NEK10: variants seen among roughly 807,000 people sequenced by gnomAD.
The protein encoded by NEK10 is serine/threonine-protein kinase Nek10.
A neutral mutation model predicts 159.8 loss-of-function variants in NEK10; 122 were observed. The observed-to-expected ratio is 0.76, with a 90% CI of 0.66 to 0.89. The LOEUF is 0.89. Ranked by LOEUF, NEK10 falls within the 40% of genes least tolerant of loss-of-function variation. The pLI, the probability that NEK10 is intolerant of heterozygous loss-of-function variation, is 0.00. For synonymous variants in NEK10, 466 were observed against 457.1 expected (o/e 1.02, Z -0.25); for missense variants, 1,342 against 1,323.1 (o/e 1.01, Z -0.22).
chr3:27,187,618 A>G (rs939772662), intron 26 of NEK10, among the ~76,000 whole-genome samples: 9 of 152,114 alleles, frequency 5.9e-5, no homozygotes, highest in African/African-American at 1.9e-4. Context: ...GAGGAGTGTA[A>G]TGGAAAACAC....
At chr3:27,184,436 G>C (rs1948426482) in intron 26 of NEK10, among the ~76,000 whole-genome samples, 1 of 152,158 alleles carries the variant, frequency 6.6e-6, no homozygotes, top group African/African-American at 2.4e-5. Flanking sequence ...AGAGGCTTAA[G>C]GGAACATTCT....
chr3:27,342,041 T>C (rs892738310), intron 5 of NEK10, among the ~76,000 whole-genome samples: 118 of 152,158 alleles, frequency 7.8e-4, no homozygotes, highest in African/African-American at 2.3e-3. Context: ...TCCTTTATTG[T>C]GTAATTGTCT....
chr3:27,215,884 T>G (rs1383678674), intron 23 of NEK10: 2 of 709,198 alleles, frequency 2.8e-6, no homozygotes, highest in South Asian at 1.5e-5. Context: ...CTGCACACTT[T>G]AAACAACCAG....
chr3:27,206,634 C>T lies in NEK10; in HGVS notation c.2091-4077G>A, dbSNP rs934042138. ...CCATTGAAACCATATGCTGGTAACT[C>T]GCAGACCTAATTTCCATTCTTCAAG... On this transcript the variant is annotated intron_variant, in intron 23 of 35. Coordinates refer to ENST00000691995, the MANE Select transcript of NEK10 (RefSeq NM_001394966.1). The T allele has an allele frequency of 1.7e-5, 17 of 985,174 alleles. No individual in the cohort carries two copies. The South Asian group carries it at 1.9e-4, about 11-fold the overall frequency. The allele number at this position is 985,174 out of a possible 1,614,324, so 61.0% of individuals were successfully genotyped here.
intron 23 of NEK10, chr3:27,214,802 C>T: frequency 2.0e-6 from 2 of 990,282 alleles, no homozygotes; most frequent in Admixed American, 1.7e-5. Context: ...ACTGCTCCTG[C>T]TCTTTGACAT....
At chr3:27,133,800 C>T (rs893524923) in intron 31 of NEK10, among the ~76,000 whole-genome samples, 11 of 152,106 alleles carry the variant, frequency 7.2e-5, no homozygotes, top group African/African-American at 1.2e-4. Context: ...TATCTTTTAT[C>T]CTAGTGTTTG....
chr3:27,204,279 T>C (rs1183093414), intron 23 of NEK10, among the ~76,000 whole-genome samples: 5 of 119,748 alleles, frequency 4.2e-5, no homozygotes, highest in South Asian at 2.7e-4. Flanking sequence ...AATTTTCTTT[T>C]TTTTTTTTTT....
chr3:27,346,364 A>G (rs956274338), intron 3 of NEK10, 148 bp from the exon 4 acceptor site: 9 of 817,858 alleles, frequency 1.1e-5, no homozygotes, highest in African/African-American at 1.0e-4. Flanking sequence ...GGGTTTTCCA[A>G]GATTCAAATC....
At chr3:27,177,181 G>A (rs930871916) in intron 26 of NEK10, among the ~76,000 whole-genome samples, 2 of 152,130 alleles carry the variant, frequency 1.3e-5, no homozygotes, top group African/African-American at 2.4e-5. Context: ...TACAATCTGA[G>A]AGAGATGCTT....
At chr3:27,248,650 G>A (rs1244253546) in intron 23 of NEK10, among the ~76,000 whole-genome samples, 1 of 152,050 alleles carries the variant, frequency 6.6e-6, no homozygotes, top group Admixed American at 6.6e-5. Flanking sequence ...ATTTCCATGT[G>A]TTTGTAGAGT....
intron 23 of NEK10, among the ~76,000 whole-genome samples, chr3:27,208,804 T>C (rs935457766): frequency 6.6e-6 from 1 of 152,236 alleles, no homozygotes; most frequent in Non-Finnish European, 1.5e-5. Flanking sequence ...ATTCCAGATG[T>C]GAAGAGTCTC....
At chr3:27,266,146 T>C (rs1304128652) in intron 22 of NEK10, among the ~76,000 whole-genome samples, 2 of 152,202 alleles carry the variant, frequency 1.3e-5, no homozygotes, top group Non-Finnish European at 2.9e-5. Context: ...AGCTTATCTT[T>C]TCATTCTCTT....
chr3:27,289,142 G>T (rs1284440820), intron 19 of NEK10, among the ~76,000 whole-genome samples: 2 of 152,148 alleles, frequency 1.3e-5, no homozygotes, highest in Non-Finnish European at 2.9e-5. Flanking sequence ...GAAGGTAACA[G>T]CACAAGAAGA....
intron 31 of NEK10, among the ~76,000 whole-genome samples, chr3:27,137,162 A>C (rs1943301943): frequency 6.6e-6 from 1 of 152,150 alleles, no homozygotes; most frequent in Admixed American, 6.5e-5. Context: ...CAATGTCATA[A>C]ACTTTAGAGT....
intron 23 of NEK10, among the ~76,000 whole-genome samples, chr3:27,235,096 C>T (rs1221282475): frequency 6.6e-6 from 1 of 152,172 alleles, no homozygotes; most frequent in African/African-American, 2.4e-5. Context: ...CTTTCTTATA[C>T]CACACACAAA....
chr3:27,179,692 A>C (rs1483405572), intron 26 of NEK10, among the ~76,000 whole-genome samples: 1 of 152,240 alleles, frequency 6.6e-6, no homozygotes. Flanking sequence ...CCAAGACAGC[A>C]GACTAACATG....
chr3:27,309,142 C>T (rs1300567593), intron 9 of NEK10, 137 bp from the exon 10 acceptor site: 9 of 338,784 alleles, frequency 2.7e-5, no homozygotes, highest in South Asian at 8.0e-5. Context: ...ATAGGCTTAA[C>T]TGTTTTTTTT....
intron 5 of NEK10, among the ~76,000 whole-genome samples, chr3:27,329,565 T>A (rs564951549): frequency 6.4e-4 from 98 of 152,328 alleles, no homozygotes; most frequent in Admixed American, 9.1e-4. Flanking sequence ...GGTGGTTACC[T>A]GTAGCCAAGG....
intron 30 of NEK10, among the ~76,000 whole-genome samples, chr3:27,152,773 T>C (rs1428806797): frequency 1.3e-5 from 2 of 152,068 alleles, no homozygotes; most frequent in African/African-American, 2.4e-5. Flanking sequence ...GAGATTCACC[T>C]AACACATAAG....
Sources: gnomAD v4.1 joint callset for allele counts (sites outside exome capture counted in the v4.1 genomes callset) on GRCh38, gnomAD v4.1.1 for gene constraint, MANE v1.5 for transcripts, NCBI Gene and HGNC (gene_info 2026-07-23, HGNC 2026-07-21) for gene names.